Variants in NCALD observed in about 807,000 individuals in gnomAD.
The protein encoded by NCALD is neurocalcin delta.
In NCALD, 10 loss-of-function variants were observed where a neutral mutation model predicts 18.6. The ratio of observed to expected loss-of-function variants is 0.54; its 90% CI spans 0.33 to 0.91. NCALD has a LOEUF of 0.91. Ranked by LOEUF, NCALD falls within the 40% of genes least tolerant of loss-of-function variation. The pLI is 0.03. For missense variants in NCALD, 184 were observed against 247.6 expected (o/e 0.74, Z 1.72); for synonymous variants, 88 against 87.4 (o/e 1.01, Z -0.04).
chr8:101,815,999 G>T (rs1466246736), intron 4 of NCALD, among the ~76,000 whole-genome samples: 1 of 151,900 alleles, frequency 6.6e-6, no homozygotes, highest in South Asian at 2.1e-4. Flanking sequence ...AGACAGGGAG[G>T]GTCCTTAAAT....
intron 1 of NCALD, among the ~76,000 whole-genome samples, chr8:101,741,151 C>T (rs149725366): frequency 8.5e-5 from 13 of 152,300 alleles, no homozygotes; most frequent in Middle Eastern, 3.4e-3. Flanking sequence ...AGGAGGCACC[C>T]GGAATTCTGC....
At chr8:102,049,677 GT>G (rs1296196753) in intron 1 of NCALD, among the ~76,000 whole-genome samples, 1 of 152,146 alleles carries the variant, frequency 6.6e-6, no homozygotes, top group African/African-American at 2.4e-5. Flanking sequence ...GAGAGTTCAT[GT>G]TGTTCCACAT....
intron 2 of NCALD, among the ~76,000 whole-genome samples, chr8:101,979,823 C>T (rs959376003): frequency 6.6e-6 from 1 of 152,168 alleles, no homozygotes; most frequent in African/African-American, 2.4e-5. Context: ...TTCTGCAAGC[C>T]TCGGTCATTC....
chr8:101,936,469 C>T (rs1335574663), intron 2 of NCALD, among the ~76,000 whole-genome samples: 1 of 151,732 alleles, frequency 6.6e-6, no homozygotes, highest in Non-Finnish European at 1.5e-5. Flanking sequence ...TCCTAGAAGG[C>T]AAAAAATGTT....
At chr8:101,994,351 A>T (rs1277761403) in intron 2 of NCALD, among the ~76,000 whole-genome samples, 1 of 152,128 alleles carries the variant, frequency 6.6e-6, no homozygotes, top group Non-Finnish European at 1.5e-5. Context: ...CAGCTCTCTG[A>T]TTCTACACAC....
intron 1 of NCALD, among the ~76,000 whole-genome samples, chr8:102,054,908 C>A (rs1042250171): frequency 6.6e-6 from 1 of 152,116 alleles, no homozygotes; most frequent in African/African-American, 2.4e-5. Flanking sequence ...CTGACTAATA[C>A]AAGTCCCCTC....
intron 4 of NCALD, among the ~76,000 whole-genome samples, chr8:101,841,103 T>C (rs1373501556): frequency 1.3e-5 from 2 of 152,218 alleles, no homozygotes; most frequent in East Asian, 1.9e-4. Context: ...TAAATAGGCA[T>C]ATTCAAATTT....
At chr8:101,744,759 G>A (rs1810356800) in intron 1 of NCALD, among the ~76,000 whole-genome samples, 1 of 151,910 alleles carries the variant, frequency 6.6e-6, no homozygotes, top group Non-Finnish European at 1.5e-5. Flanking sequence ...ATACTTCCAG[G>A]CACACAGAGA....
At chr8:101,824,587 C>T (rs1468356226) in intron 4 of NCALD, among the ~76,000 whole-genome samples, 1 of 151,850 alleles carries the variant, frequency 6.6e-6, no homozygotes, top group Non-Finnish European at 1.5e-5. Context: ...ATAAGACAAG[C>T]TGAAAATGGC....
At chr8:102,059,060 T>C (rs546841845) in intron 1 of NCALD, among the ~76,000 whole-genome samples, 24 of 152,372 alleles carry the variant, frequency 1.6e-4, no homozygotes, top group Non-Finnish European at 2.9e-4. Flanking sequence ...GTGAGACCCA[T>C]GTCAGACTTC....
chr8:102,015,753 C>A (rs1410023536), intron 2 of NCALD, among the ~76,000 whole-genome samples: 1 of 152,070 alleles, frequency 6.6e-6, no homozygotes, highest in African/African-American at 2.4e-5. Flanking sequence ...TCCCCTTTGG[C>A]AGGGCATAGT....
At chr8:101,869,856 G>A (rs906705589) in intron 4 of NCALD, among the ~76,000 whole-genome samples, 12 of 152,122 alleles carry the variant, frequency 7.9e-5, no homozygotes, top group African/African-American at 2.9e-4. Flanking sequence ...TCAGGAGTGT[G>A]TTACAAAGAA....
intron 2 of NCALD, among the ~76,000 whole-genome samples, chr8:101,968,372 T>C (rs1046736818): frequency 6.6e-6 from 1 of 152,182 alleles, no homozygotes; most frequent in East Asian, 1.9e-4. Flanking sequence ...AAAGCAACTT[T>C]TCCAGATCAA....
intron 4 of NCALD, among the ~76,000 whole-genome samples, chr8:101,861,217 A>AATATT (rs1160028231): frequency 1.4e-4 from 22 of 152,194 alleles, no homozygotes; most frequent in African/African-American, 5.3e-4. Context: ...ACACTAGCAA[A>AATATT]AGAAAACTAA....
intron 4 of NCALD, among the ~76,000 whole-genome samples, chr8:101,830,797 G>A (rs1311007103): frequency 6.7e-6 from 1 of 149,592 alleles, no homozygotes; most frequent in African/African-American, 2.5e-5. Context: ...CTGGAGTGCA[G>A]TGGTGCGATC....
chr8:101,911,500 G>A (rs1021568580), intron 3 of NCALD, among the ~76,000 whole-genome samples: 4 of 151,608 alleles, frequency 2.6e-5, no homozygotes, highest in Non-Finnish European at 5.9e-5. Flanking sequence ...TGAGACTGCA[G>A]GCAGACACCA....
chr8:102,053,286 A>G (rs1014056404), intron 1 of NCALD, among the ~76,000 whole-genome samples: 12 of 152,214 alleles, frequency 7.9e-5, no homozygotes, highest in Admixed American at 6.5e-4. Context: ...GAGATGTTTA[A>G]ATAGTATGTA....
chr8:101,979,844 C>T (rs1820551345), intron 2 of NCALD, among the ~76,000 whole-genome samples: 1 of 152,190 alleles, frequency 6.6e-6, no homozygotes, highest in African/African-American at 2.4e-5. Context: ...TGGCAACTAA[C>T]CGACTTTCCC....
intron 1 of NCALD, among the ~76,000 whole-genome samples, chr8:102,121,057 A>G (rs1825930751): frequency 6.6e-6 from 1 of 152,188 alleles, no homozygotes; most frequent in Admixed American, 6.5e-5. Flanking sequence ...TTGGATTCCT[A>G]CTGGACCCAG....
Sources: gnomAD v4.1 joint callset for allele counts (sites outside exome capture counted in the v4.1 genomes callset) on GRCh38, gnomAD v4.1.1 for gene constraint, MANE v1.5 for transcripts, NCBI Gene and HGNC (gene_info 2026-07-23, HGNC 2026-07-21) for gene names.